The following TNNT2 variants were observed in gnomAD, a reference collection of about 807,000 sequenced individuals.
The protein encoded by TNNT2 is troponin T2, cardiac type.
Under a neutral mutation model 62.4 loss-of-function variants are expected in TNNT2, and 34 were observed. The observed-to-expected ratio is 0.54, with a 90% CI of 0.41 to 0.72. TNNT2 has a LOEUF of 0.72. Ranked by LOEUF, TNNT2 falls within the 30% of genes least tolerant of loss-of-function variation. The pLI, the probability that TNNT2 is intolerant of heterozygous loss-of-function variation, is 0.00. For missense variants in TNNT2, 275 were observed against 381.9 expected, an observed-to-expected ratio of 0.72 and a Z score of 2.33; for synonymous variants, 123 against 127.2, an observed-to-expected ratio of 0.97 and a Z score of 0.22.
Position 201,359,039 on chromosome 1 carries a change from T to TGGTGTGGAGTG in TNNT2, c.*160_*170dup. On this transcript the variant is annotated 3_prime_UTR_variant, in exon 17 of 17. Transcript: ENST00000656932. Reference sequence around the variant, plus strand: ...TCAGTGTGTGGTGGCTTTTTATTACTGGTGTGGAGTGGGTGTGGGGGCAGG... The same window carrying TGGTGTGGAGTG: ...TCAGTGTGTGGTGGCTTTTTATTACTGGTGTGGAGTGGGTGTGGAGTGGGTGTGGGGGCAGG... 1 of 741,580 alleles carries TGGTGTGGAGTG rather than the reference T, an allele frequency of 1.3e-6. No homozygotes were observed. Among genetic ancestry groups the TGGTGTGGAGTG allele is most frequent in the Non-Finnish European group, 2.3e-6 (1 of 427,738 alleles). 45.9% of individuals were successfully genotyped at this position (741,580 alleles called of 1,614,324 possible). A position where few individuals can be genotyped will look rare whatever the true frequency, so the allele number is the denominator to read the frequency against.
rs1658714634 is a variant in TNNT2 at position 201,361,904 on chromosome 1, A to G, written c.719+9T>C. On this transcript the variant is annotated intron_variant, in intron 14 of 16. Transcript: ENST00000656932. Reference sequence around the variant, plus strand: ...GCAGTGCCCCAGGACCATTCCTCCCAGCCCCCACCTCAGCTGATCTTCATT... The same window carrying G: ...GCAGTGCCCCAGGACCATTCCTCCCGGCCCCCACCTCAGCTGATCTTCATT... The G allele has an allele frequency of 2.5e-6, 4 of 1,612,538 alleles. No individual in the cohort carries two copies. The highest frequency in any genetic ancestry group is 3.4e-6 in the Non-Finnish European group (4 of 1,178,680).
At chr1:201,374,898 G>C (rs529897627) in intron 1 of TNNT2, 1 of 152,208 alleles carries the variant, frequency 6.6e-6, no homozygotes, top group Non-Finnish European at 1.5e-5. Context: ...AGGGTGATGT[G>C]AGAGTGAGGC....
rs372988386 is a variant in TNNT2, at chr1:201,363,292, C to G, written c.600+4G>C. Reference sequence around the variant, plus strand: ...CCTGGCAACCCCTGCTGCTCCCTACCTACCTTCTGGATGTAACCCCCAAAA... The same window carrying G: ...CCTGGCAACCCCTGCTGCTCCCTACGTACCTTCTGGATGTAACCCCCAAAA... On this transcript the variant is annotated splice_donor_region_variant and intron_variant, in intron 12 of 16. Transcript: ENST00000656932. The G allele has an allele frequency of 1.2e-6, 2 of 1,614,046 alleles. No homozygotes were observed. Among genetic ancestry groups the G allele is most frequent in the Non-Finnish European group, 1.7e-6 (2 of 1,179,996 alleles).
At chr1:201,373,055 G>A (rs769535481) in intron 2 of TNNT2, 159 bp downstream of exon 2, 11 of 784,324 alleles carry the variant, frequency 1.4e-5, no homozygotes, top group Non-Finnish European at 2.5e-5. Context: ...CAGGGGTACA[G>A]GAGTGGAAAG....
At position 201,366,826 on chromosome 1, in the gene TNNT2, C is replaced by G; in HGVS notation, c.233+12G>C. On this transcript the variant is annotated intron_variant, in intron 8 of 16. Transcript: ENST00000656932. ...TCTGCTCCCGGCTCTACCCAGGTGC[C>G]TCCCCACTCACCTGGGCTTTGGTTT... 1 of 1,614,160 alleles carries G rather than the reference C, an allele frequency of 6.2e-7. No individual in the cohort carries two copies. The highest frequency in any genetic ancestry group is 8.5e-7 in the Non-Finnish European group (1 of 1,180,016).
chr1:201,367,359 C>T (rs1452984499), intron 7 of TNNT2: 11 of 389,618 alleles, frequency 2.8e-5, no homozygotes, highest in Non-Finnish European at 5.3e-5. Context: ...CCACTTAGAA[C>T]CCTGGTGAAG....
chr1:201,368,371 T>TG (rs1188078651), intron 5 of TNNT2, 144 bp from the exon 6 acceptor site: 1 of 811,692 alleles, frequency 1.2e-6, no homozygotes. Context: ...ACCAACGTGC[T>TG]GGGGGGCTGC....
In TNNT2 at chr1:201,373,016, G is replaced by A. The variant is rs111308363; in HGVS notation, c.41+198C>T. 4.6e-5 allele frequency: 33 copies of A among 710,756 alleles called. 3 individuals are homozygous for A. The highest frequency in any genetic ancestry group is 2.9e-4 in the African/African-American group (17 of 57,678). 44.0% of individuals were successfully genotyped at this position (710,756 alleles called of 1,614,324 possible). The stretch of plus-strand genomic sequence containing the variant: ...ACCTCTGTGCTTCCCGAAGTCTCTC[G>A]GCCTGTGCTCTGCCTGGGATCTACA... On this transcript the variant is annotated intron_variant, in intron 2 of 16. Transcript: ENST00000656932.
rs765290000 is a variant in TNNT2 at position 201,362,026 on chromosome 1, G to T, written c.610-4C>A. 2.1e-5 allele frequency: 34 copies of T among 1,614,032 alleles called. No homozygotes were observed. Among genetic ancestry groups the T allele is most frequent in the Non-Finnish European group, 2.9e-5 (34 of 1,179,962 alleles). The stretch of plus-strand genomic sequence containing the variant: ...TCTTCCCACTTTTCCGCTCTGTCTG[G>T]AGGGTGTGGGAAGCAGAGTAAACTG... On this transcript the variant is annotated splice_region_variant and splice_polypyrimidine_tract_variant and intron_variant, in intron 13 of 16. Transcript: ENST00000656932.
Position 201,362,092 on chromosome 1 carries a change from C to T in TNNT2, c.610-70G>A, listed in dbSNP as rs773304619. On this transcript the variant is annotated intron_variant, in intron 13 of 16. Transcript: ENST00000656932. ...CCCTGTCCCCTAACCCTCCCCAAAC[C>T]CCCTGGGGGTGGAGCAAGGCCTGCA... The T allele has an allele frequency of 1.9e-6, 3 of 1,539,672 alleles. No individual in the cohort carries two copies. In the African/African-American group the frequency reaches 4.1e-5, roughly 21 times the overall value.
At chr1:201,373,082 T>A (rs1660889009) in intron 2 of TNNT2, 132 bp downstream of exon 2, 1 of 897,666 alleles carries the variant, frequency 1.1e-6, no homozygotes. Context: ...GCTATATCTC[T>A]CCTCGGGGTG....
chr1:201,364,792 C>A (rs1659359823), intron 10 of TNNT2, among the ~76,000 whole-genome samples: 1 of 152,238 alleles, frequency 6.6e-6, no homozygotes, highest in African/African-American at 2.4e-5. Context: ...AAAGCAGCCT[C>A]CACGCTCTGC....
intron 16 of TNNT2, 134 bp from the exon 17 acceptor site, chr1:201,359,389 C>A (rs1299844908): frequency 2.2e-5 from 26 of 1,170,282 alleles, no homozygotes; most frequent in Non-Finnish European, 3.0e-5. Flanking sequence ...AATAGGACAG[C>A]AGCCTGAGGC....
rs1162292230 is a variant in TNNT2, at chr1:201,359,145, T to TG, written c.*64dup. Reference sequence around the variant, plus strand: ...GGGGTGCCCAGGAGGGCCCGGGAACTGGGGGAGTGCAGGCCGGAGGCAGGT... The same window carrying TG: ...GGGGTGCCCAGGAGGGCCCGGGAACTGGGGGGAGTGCAGGCCGGAGGCAGGT... On this transcript the variant is annotated 3_prime_UTR_variant, in exon 17 of 17. Transcript: ENST00000656932. 1 of 1,575,988 alleles carries TG rather than the reference T, an allele frequency of 6.3e-7. No individual in the cohort carries two copies. The highest frequency in any genetic ancestry group is 8.6e-7 in the Non-Finnish European group (1 of 1,160,806).
chr1:201,362,498 G>A (rs754077718), intron 12 of TNNT2, 104 bp from the exon 13 acceptor site: 15 of 1,441,986 alleles, frequency 1.0e-5, no homozygotes, highest in African/African-American at 1.4e-5. Context: ...AGACATGGAA[G>A]AGAAGATTCA....
chr1:201,371,407 T>G (rs1328535626), intron 4 of TNNT2, among the ~76,000 whole-genome samples: 1 of 152,210 alleles, frequency 6.6e-6, no homozygotes, highest in Non-Finnish European at 1.5e-5. Context: ...CAAATCTTCA[T>G]GCCGAGATAA....
At chr1:201,367,995 C>T (rs926273546) in intron 6 of TNNT2, among the ~76,000 whole-genome samples, 167 bp downstream of exon 6, 2 of 152,168 alleles carry the variant, frequency 1.3e-5, no homozygotes, top group African/African-American at 4.8e-5. Context: ...AAGAGAAGCG[C>T]TGGGTCAACG....
chr1:201,362,028 G>A lies in TNNT2; in HGVS notation c.610-6C>T, dbSNP rs45516702. ...TTCCCACTTTTCCGCTCTGTCTGGAGGGTGTGGGAAGCAGAGTAAACTGGC... is the reference window on the plus strand; with the variant it reads ...TTCCCACTTTTCCGCTCTGTCTGGAAGGTGTGGGAAGCAGAGTAAACTGGC... On this transcript the variant is annotated splice_region_variant and splice_polypyrimidine_tract_variant and intron_variant, in intron 13 of 16. Transcript: ENST00000656932. 82 of 1,613,860 alleles carry A rather than the reference G, an allele frequency of 5.1e-5. No individual in the cohort carries two copies. Among genetic ancestry groups the A allele is most frequent in the Non-Finnish European group, 6.9e-5 (81 of 1,179,890 alleles).
At chr1:201,372,272 C>T (rs1660745499) in intron 2 of TNNT2, 117 bp from the exon 3 acceptor site, 2 of 1,502,462 alleles carry the variant, frequency 1.3e-6, no homozygotes, top group East Asian at 2.3e-5. Flanking sequence ...TTTCTTTTCC[C>T]TTGTTGCCTA....
Sources: allele counts gnomAD v4.1 joint callset (sites outside exome capture counted in the v4.1 genomes callset), GRCh38; gene constraint gnomAD v4.1.1; transcripts MANE v1.5; gene names NCBI Gene and HGNC (gene_info 2026-07-23, HGNC 2026-07-21).